The following DCDC1 variants were observed in gnomAD, a reference collection of about 807,000 sequenced individuals.
DCDC1 encodes doublecortin domain containing 1.
A neutral mutation model predicts 178.3 loss-of-function variants in DCDC1; 200 were observed. That is an observed-to-expected ratio of 1.12 (90% CI 1.00 to 1.26). The LOEUF is 1.26. DCDC1 is among the 50% of genes most tolerant of loss of function. The pLI, the probability that DCDC1 is intolerant of heterozygous loss-of-function variation, is 0.00. For synonymous variants in DCDC1, 690 were observed against 604.8 expected, an observed-to-expected ratio of 1.14 and a Z score of -2.07; for missense variants, 1,983 against 1,749.2, an observed-to-expected ratio of 1.13 and a Z score of -2.38.
rs183952181 is a variant in DCDC1 at position 30,873,566 on chromosome 11, G to A, written c.*40+4978C>T. Among the ~76,000 whole-genome samples the A allele has an allele frequency of 4.6e-5, 7 of 152,148 alleles. 1 individual carries two copies. The highest frequency in any genetic ancestry group is 1.0e-4 in the Non-Finnish European group (7 of 67,990). On this transcript the variant is annotated intron_variant, in intron 38 of 38. Transcript: ENST00000684477. ...CATTTTTCTAAGAGAATTTGTTACC[G>A]AACTGAAATAACGTCCTGTGGATTT...
At chr11:31,205,659 G>A (rs1001885642) in intron 9 of DCDC1, among the ~76,000 whole-genome samples, 8 of 152,030 alleles carry the variant, frequency 5.3e-5, no homozygotes, top group Non-Finnish European at 1.0e-4. Flanking sequence ...ATTTATCCTC[G>A]TAAAGTTATG....
chr11:31,099,681 C>A (rs538323636), intron 15 of DCDC1, among the ~76,000 whole-genome samples: 14 of 150,988 alleles, frequency 9.3e-5, no homozygotes, highest in African/African-American at 2.9e-4. Flanking sequence ...TCAGATAGGG[C>A]TACAATGATG....
At chr11:31,103,939 A>G (rs998695557) in intron 13 of DCDC1, among the ~76,000 whole-genome samples, 170 bp from the exon 14 acceptor site, 12 of 152,232 alleles carry the variant, frequency 7.9e-5, no homozygotes, top group Non-Finnish European at 1.0e-4. Flanking sequence ...CACCTGAAAT[A>G]TATACTTCAG....
chr11:31,313,237 G>T (rs924318658), intron 3 of DCDC1, among the ~76,000 whole-genome samples: 4 of 151,928 alleles, frequency 2.6e-5, no homozygotes, highest in African/African-American at 4.8e-5. Flanking sequence ...TTACACATTT[G>T]CTTAACTTTA....
In DCDC1 at chr11:30,900,537, A is replaced by T. The variant is rs542378305; in HGVS notation, c.4511-39T>A. 2.1e-5 allele frequency: 29 copies of T among 1,385,196 alleles called. No homozygotes were observed. The South Asian group carries it at 5.3e-4, about 25-fold the overall frequency. 85.8% of individuals were successfully genotyped at this position (1,385,196 alleles called of 1,614,324 possible). A position where few individuals can be genotyped will look rare whatever the true frequency, so the allele number is the denominator to read the frequency against. On this transcript the variant is annotated intron_variant, in intron 32 of 38. Coordinates refer to ENST00000684477, the MANE Select transcript of DCDC1 (RefSeq NM_001387274.1). Reference sequence around the variant, plus strand: ...TGACACATTTATCATTGTTCAACGAATAATGAATAAATTTGTTTTCTGAAT... The same window carrying T: ...TGACACATTTATCATTGTTCAACGATTAATGAATAAATTTGTTTTCTGAAT...
chr11:31,337,216 A>G (rs545848068), intron 1 of DCDC1, among the ~76,000 whole-genome samples: 1 of 152,346 alleles, frequency 6.6e-6, no homozygotes. Flanking sequence ...ATATAAATTT[A>G]ACTCAGAGTC....
In DCDC1 at chr11:31,014,011, C is replaced by A. The variant is rs542777336; in HGVS notation, c.2591+50458G>T. ...GGCATTTCCAACCTTGTCTAGTTCC[C>A]TCCTAGACTGAATTGTGGCACTTCA... On this transcript the variant is annotated intron_variant, in intron 20 of 38. Coordinates refer to ENST00000684477, the MANE Select transcript of DCDC1 (RefSeq NM_001387274.1). Among the ~76,000 whole-genome samples, 10 of 152,288 alleles carry A rather than the reference C, an allele frequency of 6.6e-5. No homozygotes were observed. In the South Asian group the frequency reaches 1.9e-3, roughly 28 times the overall value.
Position 30,924,547 on chromosome 11 carries a change from C to T in DCDC1, c.2997+762G>A, listed in dbSNP as rs112467349. Among the ~76,000 whole-genome samples the T allele has an allele frequency of 6.1e-3, 924 of 152,144 alleles. 13 individuals carry two copies. Among genetic ancestry groups the T allele is most frequent in the African/African-American group, 0.021 (880 of 41,496 alleles). ...TGCTAAAGTCCTTCCACTTTTCAGC[C>T]TTCTCCAGTCACCAAATAGAGTGTA... is the stretch of plus-strand genomic sequence containing the variant. On this transcript the variant is annotated intron_variant, in intron 23 of 38. Coordinates refer to ENST00000684477, the MANE Select transcript of DCDC1 (RefSeq NM_001387274.1).
Position 30,889,925 on chromosome 11 carries a change from G to A in DCDC1, c.5082+2893C>T, listed in dbSNP as rs145818491. ...TATTCGAAGATAGAGCCTTTAAGGA[G>A]GTAATTAAGGTTAAATAAAGCCATA... On this transcript the variant is annotated intron_variant, in intron 36 of 38. Transcript: ENST00000684477. 2.9e-3 allele frequency among the ~76,000 whole-genome samples: 445 copies of A among 152,274 alleles called. 1 individual carries two copies. Among genetic ancestry groups the A allele is most frequent in the African/African-American group, 0.01 (420 of 41,554 alleles).
At position 30,931,810 on chromosome 11, in the gene DCDC1, G is replaced by C; in HGVS notation, c.2858C>G (p.Thr953Ser). The C allele has an allele frequency of 6.2e-7, 1 of 1,612,686 alleles. No individual in the cohort carries two copies. Among genetic ancestry groups the C allele is most frequent in the Non-Finnish European group, 8.5e-7 (1 of 1,179,142 alleles). Residue 953 changes from threonine (T) to serine (S), a missense_variant, in exon 22 of 39, where the codon ACT becomes AGT. Thr to Ser is a moderately conservative substitution (Grantham distance 58). Coordinates refer to ENST00000684477, the MANE Select transcript of DCDC1 (RefSeq NM_001387274.1). ...AGGTGAGATATCTGGACCAAGGATA[G>C]TAACGGATCTGTTTTTATTCTTCTC... is the stretch of plus-strand genomic sequence containing the variant. ...NGEKNKNRSV[T>S]ILGPDISPGR...
At chr11:31,025,407 G>A (rs1464112084) in intron 20 of DCDC1, among the ~76,000 whole-genome samples, 2 of 151,718 alleles carry the variant, frequency 1.3e-5, no homozygotes, top group East Asian at 3.9e-4. Context: ...CTACACATTT[G>A]AATTTCTTAA....
chr11:30,931,839 A>G lies in DCDC1; in HGVS notation c.2829T>C (p.Asn943=). ...YAPVRLRVLQ[N]GEKNKNRSVT... The stretch of plus-strand genomic sequence containing the variant: ...CGGATCTGTTTTTATTCTTCTCTCC[A>G]TTCTGCAAAACTCTGAGTCGCACAG... The change falls in exon 22 of 39, where the codon AAT becomes AAC. Residue 943 remains asparagine (N), a synonymous_variant. Coordinates refer to ENST00000684477, the MANE Select transcript of DCDC1 (RefSeq NM_001387274.1). 1.2e-6 allele frequency: 2 copies of G among 1,613,026 alleles called. No homozygotes were observed. Among genetic ancestry groups the G allele is most frequent in the Non-Finnish European group, 1.7e-6 (2 of 1,179,344 alleles).
intron 38 of DCDC1, among the ~76,000 whole-genome samples, chr11:30,871,574 CTCTA>C (rs1452771838): frequency 3.9e-5 from 6 of 152,122 alleles, no homozygotes; most frequent in Non-Finnish European, 5.9e-5. Context: ...CTATCTCCCT[CTCTA>C]TCTATCTTTT....
At chr11:30,919,710 G>A (rs1031822208) in intron 25 of DCDC1, among the ~76,000 whole-genome samples, 1 of 152,058 alleles carries the variant, frequency 6.6e-6, no homozygotes, top group East Asian at 1.9e-4. Context: ...GAGGAAGTTT[G>A]GTTCCTAAAA....
At chr11:30,875,148 C>T (rs372118839) in intron 38 of DCDC1, among the ~76,000 whole-genome samples, 4 of 152,164 alleles carry the variant, frequency 2.6e-5, no homozygotes, top group African/African-American at 9.7e-5. Flanking sequence ...TGAATACCTA[C>T]GGTTACACGG....
intron 20 of DCDC1, among the ~76,000 whole-genome samples, chr11:31,061,583 C>T (rs995384251): frequency 2.0e-5 from 3 of 151,900 alleles, no homozygotes; most frequent in African/African-American, 7.3e-5. Context: ...GAAGAAGGCA[C>T]CTGGAGCCGA....
intron 9 of DCDC1, among the ~76,000 whole-genome samples, chr11:31,145,978 A>C: frequency 6.6e-6 from 1 of 152,296 alleles, no homozygotes. Context: ...TGAGTTAGAC[A>C]CTAATATTAC....
At chr11:31,124,914 C>T (rs1961383312) in intron 11 of DCDC1, among the ~76,000 whole-genome samples, 1 of 151,944 alleles carries the variant, frequency 6.6e-6, no homozygotes, top group African/African-American at 2.4e-5. Flanking sequence ...ACAACAAAAG[C>T]AAAAATTGAC....
At chr11:31,177,865 CA>C (rs1487403418) in intron 9 of DCDC1, among the ~76,000 whole-genome samples, 1 of 152,116 alleles carries the variant, frequency 6.6e-6, no homozygotes, top group African/African-American at 2.4e-5. Flanking sequence ...GGAGCCCCCA[CA>C]TATGTAAAGC....
Sources: allele counts gnomAD v4.1 joint callset (sites outside exome capture counted in the v4.1 genomes callset), GRCh38; gene constraint gnomAD v4.1.1; transcripts MANE v1.5; gene names NCBI Gene and HGNC (gene_info 2026-07-23, HGNC 2026-07-21).